Variants in MKLN1 observed in about 807,000 individuals in gnomAD.
The protein encoded by MKLN1 is muskelin 1, also known as muskelin.
A neutral mutation model predicts 99.0 loss-of-function variants in MKLN1; 18 were observed. That is an observed-to-expected ratio of 0.18 (90% confidence interval 0.13 to 0.27). The LOEUF (loss-of-function observed/expected upper bound fraction) is 0.27. Among genes scored for constraint, MKLN1 ranks in the 10% least tolerant of loss-of-function variants. The pLI is 1.00. For missense variants in MKLN1, 621 were observed against 875.9 expected (o/e 0.71, Z 3.67); for synonymous variants, 288 against 293.2 (o/e 0.98, Z 0.18).
chr7:131,129,198 C>G (rs1795512134), intron 1 of MKLN1, among the ~76,000 whole-genome samples: 1 of 152,096 alleles, frequency 6.6e-6, no homozygotes, highest in Non-Finnish European at 1.5e-5. Context: ...ATTGTAAGAA[C>G]TTTAAAATGA....
chr7:131,395,719 T>TAA (rs941335193), intron 4 of MKLN1, among the ~76,000 whole-genome samples: 1 of 147,472 alleles, frequency 6.8e-6, no homozygotes, highest in East Asian at 2.0e-4. Flanking sequence ...GTGTTGTTAT[T>TAA]AAAAAAAAAA....
intron 2 of MKLN1, among the ~76,000 whole-genome samples, chr7:131,180,262 C>T (rs1796359721): frequency 6.6e-6 from 1 of 152,166 alleles, no homozygotes; most frequent in South Asian, 2.1e-4. Flanking sequence ...TATACCTTCC[C>T]CTTCACGCTA....
At chr7:131,285,520 C>A (rs1186259277) in intron 3 of MKLN1, among the ~76,000 whole-genome samples, 1 of 152,214 alleles carries the variant, frequency 6.6e-6, no homozygotes, top group Non-Finnish European at 1.5e-5. Flanking sequence ...CGTAATTGGA[C>A]TTGCCGAAAG....
chr7:131,445,908 G>A lies in MKLN1; in HGVS notation c.1525+5G>A. 1 of 1,570,180 alleles carries A rather than the reference G, an allele frequency of 6.4e-7. No individual in the cohort carries two copies. Reference sequence around the variant, plus strand: ...CCAAGAAAGACTCTGGGATGGGTAAGGGCATTGAGTGATTTCTTCTCTCAT... The same window carrying A: ...CCAAGAAAGACTCTGGGATGGGTAAAGGCATTGAGTGATTTCTTCTCTCAT... On this transcript the variant is annotated splice_donor_5th_base_variant and intron_variant, in intron 12 of 17. Coordinates refer to ENST00000352689, the MANE Select transcript of MKLN1 (RefSeq NM_013255.5).
At chr7:131,362,718 G>C (rs1800067386) in intron 1 of MKLN1, among the ~76,000 whole-genome samples, 1 of 151,366 alleles carries the variant, frequency 6.6e-6, no homozygotes, top group Non-Finnish European at 1.5e-5. Flanking sequence ...GGCTATTTTA[G>C]CGGTATCTTT....
intron 3 of MKLN1, among the ~76,000 whole-genome samples, chr7:131,319,963 T>C (rs1798743617): frequency 6.6e-6 from 1 of 152,210 alleles, no homozygotes; most frequent in African/African-American, 2.4e-5. Context: ...TCCATGCTCA[T>C]GGATAGGAAG....
chr7:131,368,173 G>A (rs560469330), intron 1 of MKLN1, among the ~76,000 whole-genome samples: 5 of 152,230 alleles, frequency 3.3e-5, no homozygotes, highest in African/African-American at 1.2e-4. Flanking sequence ...GCAGGAGAGT[G>A]GAAATGGGTG....
At chr7:131,264,848 G>GT (rs1035918578) in intron 3 of MKLN1, among the ~76,000 whole-genome samples, 31 of 151,172 alleles carry the variant, frequency 2.1e-4, no homozygotes, top group Admixed American at 3.3e-4. Flanking sequence ...AATTTTTTTT[G>GT]TTTTTTTTGA....
chr7:131,159,337 T>TACAC (rs149930072), intron 2 of MKLN1, among the ~76,000 whole-genome samples: 2 of 151,180 alleles, frequency 1.3e-5, no homozygotes, highest in Admixed American at 6.6e-5. Flanking sequence ...AAAATGTGGA[T>TACAC]ACACACACAC....
At chr7:131,173,968 CTT>C (rs796102760) in intron 2 of MKLN1, among the ~76,000 whole-genome samples, 1 of 118,654 alleles carries the variant, frequency 8.4e-6, no homozygotes, top group Admixed American at 8.4e-5. Flanking sequence ...AGACCTTTTT[CTT>C]TTTCTTTTTT....
At chr7:131,132,456 A>G (rs1795565581) in intron 1 of MKLN1, among the ~76,000 whole-genome samples, 1 of 152,212 alleles carries the variant, frequency 6.6e-6, no homozygotes, top group Non-Finnish European at 1.5e-5. Flanking sequence ...ACATATATCC[A>G]TACATAACGA....
At chr7:131,378,157 G>C (rs1793720721) in intron 2 of MKLN1, among the ~76,000 whole-genome samples, 1 of 151,992 alleles carries the variant, frequency 6.6e-6, no homozygotes, top group African/African-American at 2.4e-5. Flanking sequence ...TGTCATCCAG[G>C]CTGGAGTGCA....
rs1404774774 is a variant in MKLN1, at chr7:131,494,521, G to A, written c.*6793G>A. On this transcript the variant is annotated 3_prime_UTR_variant, in exon 18 of 18. Transcript: ENST00000352689. ...ATATCAAAGTCCAAAAGGTTACTTA[G>A]GAGTAGTCTTCCGTGGGGGAAGATA... The A allele has an allele frequency of 6.6e-6, 1 of 152,136 alleles. No individual in the cohort carries two copies. The highest frequency in any genetic ancestry group is 1.5e-5 in the Non-Finnish European group (1 of 68,026). The allele number at this position is 152,136 out of a possible 1,614,324, so 9.4% of individuals were successfully genotyped here.
At chr7:131,155,670 CATAG>C (rs1795952435) in intron 2 of MKLN1, among the ~76,000 whole-genome samples, 1 of 152,124 alleles carries the variant, frequency 6.6e-6, no homozygotes, top group South Asian at 2.1e-4. Context: ...TAGGCAAAAT[CATAG>C]ACTGTTACAG....
intron 3 of MKLN1, among the ~76,000 whole-genome samples, chr7:131,217,067 G>A (rs368164809): frequency 5.2e-4 from 79 of 152,100 alleles, no homozygotes; most frequent in African/African-American, 1.8e-3. Flanking sequence ...AGGAATTGTC[G>A]ATGGCATTTC....
chr7:131,258,243 C>A (rs564646161), intron 3 of MKLN1, among the ~76,000 whole-genome samples: 3 of 150,884 alleles, frequency 2.0e-5, no homozygotes, highest in Admixed American at 6.6e-5. Flanking sequence ...GGCCCTTTGC[C>A]TGCAATCTCC....
At chr7:131,232,551 C>G (rs1417112617) in intron 3 of MKLN1, among the ~76,000 whole-genome samples, 2 of 152,128 alleles carry the variant, frequency 1.3e-5, no homozygotes, top group African/African-American at 2.4e-5. Flanking sequence ...CTTTCCATCA[C>G]CTTCCTAGAA....
chr7:131,185,881 T>C (rs956107919), intron 2 of MKLN1, among the ~76,000 whole-genome samples: 47 of 152,114 alleles, frequency 3.1e-4, no homozygotes, highest in African/African-American at 1.1e-3. Flanking sequence ...TTTTCATTTG[T>C]TCTTCTAATA....
At chr7:131,229,520 A>T (rs1174672671) in intron 3 of MKLN1, among the ~76,000 whole-genome samples, 3 of 132,994 alleles carry the variant, frequency 2.3e-5, no homozygotes, top group African/African-American at 8.4e-5. Context: ...TAGATGGTCA[A>T]TGTCTCTTTT....
Sources: allele counts gnomAD v4.1 joint callset (sites outside exome capture counted in the v4.1 genomes callset), GRCh38; gene constraint gnomAD v4.1.1; transcripts MANE v1.5; gene names NCBI Gene and HGNC (gene_info 2026-07-23, HGNC 2026-07-21).